HPS4: variants seen among roughly 807,000 people sequenced by gnomAD.
The protein encoded by HPS4 is HPS4 biogenesis of lysosomal organelles complex 3 subunit 2, also known as BLOC-3 complex member HPS4.
Under a neutral mutation model 70.3 loss-of-function variants are expected in HPS4, and 44 were observed. That is an observed-to-expected ratio of 0.63 (90% CI 0.49 to 0.80). The LOEUF (loss-of-function observed/expected upper bound fraction) is 0.80, where lower values mean the gene tolerates loss of function less well. Among genes scored for constraint, HPS4 ranks in the 30% least tolerant of loss-of-function variants. The probability of loss-of-function intolerance (pLI) is 0.00; values close to 1 mark genes in which losing one functional copy is unlikely to be tolerated. For missense variants in HPS4, 873 were observed against 884.4 expected (o/e 0.99, Z 0.16); for synonymous variants, 377 against 355.9 (o/e 1.06, Z -0.67).
chr22:26,477,193 A>T, intron 3 of HPS4, 57 bp from the exon 4 acceptor site: 1 of 1,593,972 alleles, frequency 6.3e-7, no homozygotes, highest in Non-Finnish European at 8.6e-7. Flanking sequence ...CTCTTAAGTC[A>T]TTTCTTACAG....
intron 11 of HPS4, among the ~76,000 whole-genome samples, chr22:26,462,950 A>C (rs908891175): frequency 6.6e-6 from 1 of 152,240 alleles, no homozygotes; most frequent in Non-Finnish European, 1.5e-5. Context: ...GTGCAGTCTT[A>C]TCTCTTCTTC....
In HPS4 at chr22:26,464,860, G is replaced by A. The variant is rs763134197; in HGVS notation, c.804-34C>T. 39 of 1,556,708 alleles carry A rather than the reference G, an allele frequency of 2.5e-5. No individual in the cohort carries two copies. In the South Asian group the frequency reaches 2.8e-4, roughly 11 times the overall value. On this transcript the variant is annotated intron_variant, in intron 10 of 13. Transcript: ENST00000398145. ...CAAGAGAGATGTAAGGAAGGGGCACGTTGACAGACTGCAGGGCAAGTGCCC... is the reference window on the plus strand; with the variant it reads ...CAAGAGAGATGTAAGGAAGGGGCACATTGACAGACTGCAGGGCAAGTGCCC...
chr22:26,443,197 G>A (rs377666159), downstream of HPS4: 34 of 1,613,996 alleles, frequency 2.1e-5, no homozygotes, highest in African/African-American at 4.0e-5. Flanking sequence ...TCTTTGCTCC[G>A]GGACGATGAG....
At chr22:26,475,718 T>C (rs539606014) in intron 4 of HPS4, 2 of 152,132 alleles carry the variant, frequency 1.3e-5, no homozygotes, top group African/African-American at 4.8e-5. Context: ...AGTACACTAA[T>C]GTGTGCAACT....
chr22:26,475,054 G>A lies in HPS4; in HGVS notation c.276+1939C>T, dbSNP rs190629509. ...AAAATCCAACATACACCTACTCTAT[G>A]ACCCAGCAATTCCAGGACTGGATAT... On this transcript the variant is annotated intron_variant, in intron 4 of 13. Coordinates refer to ENST00000398145, the MANE Select transcript of HPS4 (RefSeq NM_022081.6). Among the ~76,000 whole-genome samples the A allele has an allele frequency of 1.5e-3, 236 of 152,330 alleles. 1 individual carries two copies. Among genetic ancestry groups the A allele is most frequent in the African/African-American group, 5.6e-3 (232 of 41,576 alleles).
intron 4 of HPS4, 114 bp downstream of exon 4, chr22:26,476,879 T>C: frequency 8.9e-7 from 1 of 1,120,608 alleles, no homozygotes; most frequent in Non-Finnish European, 1.3e-6. Flanking sequence ...CTAAACACAG[T>C]ACATGGATGA....
chr22:26,458,685 G>T, intron 11 of HPS4, 108 bp from the exon 12 acceptor site: 1 of 1,315,556 alleles, frequency 7.6e-7, no homozygotes, highest in Non-Finnish European at 1.1e-6. Flanking sequence ...AGCCAGGCAC[G>T]GTGGCTCACA....
In HPS4 at chr22:26,483,766, T is replaced by C; in HGVS notation, c.-571A>G. ...GTACCTGCGACTTCTGCCCCGTACCTGCGCGCGCGGCAGAGAGGCCTTAGG... is the reference window on the plus strand; with the variant it reads ...GTACCTGCGACTTCTGCCCCGTACCCGCGCGCGCGGCAGAGAGGCCTTAGG... On this transcript the variant is annotated 5_prime_UTR_variant, in exon 1 of 14. Coordinates refer to ENST00000398145, the MANE Select transcript of HPS4 (RefSeq NM_022081.6). 1.6e-6 allele frequency: 1 copy of C among 625,836 alleles called. No individual in the cohort carries two copies. The allele number at this position is 625,836 out of a possible 1,614,324, so 38.8% of individuals were successfully genotyped here. A position where few individuals can be genotyped will look rare whatever the true frequency, so the allele number is the denominator to read the frequency against.
intron 11 of HPS4, among the ~76,000 whole-genome samples, chr22:26,461,834 A>G (rs1296596857): frequency 6.6e-6 from 1 of 152,210 alleles, no homozygotes; most frequent in Non-Finnish European, 1.5e-5. Flanking sequence ...ATACTAGAAA[A>G]GATTAGCTTT....
intron 6 of HPS4, chr22:26,471,328 C>T (rs953680495): frequency 2.2e-6 from 1 of 455,340 alleles, no homozygotes. Flanking sequence ...CATGCTCTTT[C>T]ACTCGGGGAA....
intron 8 of HPS4, chr22:26,468,299 G>T: frequency 1.8e-6 from 1 of 543,858 alleles, no homozygotes; most frequent in Non-Finnish European, 3.3e-6. Flanking sequence ...ATGGGAAGTC[G>T]AATTCAACCA....
chr22:26,446,654 T>C (rs148590630), downstream of HPS4, among the ~76,000 whole-genome samples: 26 of 152,308 alleles, frequency 1.7e-4, no homozygotes, highest in African/African-American at 6.3e-4. Context: ...AGCCTGGACA[T>C]TAAAGTCTGA....
chr22:26,456,386 C>A (rs916709110), intron 13 of HPS4, among the ~76,000 whole-genome samples: 5 of 152,206 alleles, frequency 3.3e-5, no homozygotes, highest in African/African-American at 1.2e-4. Context: ...TGAAGCCGGG[C>A]GTGGTGGCTC....
chr22:26,445,814 C>A (rs2084934594), intron 3 of HPS4, among the ~76,000 whole-genome samples: 1 of 152,180 alleles, frequency 6.6e-6, no homozygotes, highest in Non-Finnish European at 1.5e-5. Context: ...AAGCCAGTGG[C>A]TACTTTCAAT....
At chr22:26,443,344 A>G (rs2084871168), downstream of HPS4, 2 of 679,514 alleles carry the variant, frequency 2.9e-6, no homozygotes, top group East Asian at 5.5e-5. Context: ...GGGATTTTAT[A>G]TCATGTCGGG....
downstream of HPS4, among the ~76,000 whole-genome samples, chr22:26,450,254 G>A (rs1231207359): frequency 1.3e-5 from 2 of 152,218 alleles, no homozygotes; most frequent in African/African-American, 4.8e-5. Context: ...CACACACAGG[G>A]AAGTGGCCTG....
chr22:26,469,843 AG>A (rs2089483554), intron 7 of HPS4, among the ~76,000 whole-genome samples: 1 of 152,236 alleles, frequency 6.6e-6, no homozygotes, highest in African/African-American at 2.4e-5. Flanking sequence ...AACCGGGGCA[AG>A]GAAGAAGAGT....
In HPS4 at chr22:26,451,207, C is replaced by T. The variant is rs570870645; in HGVS notation, c.*2026G>A. ...AAGAACATGCTGCTTGGCTGTCCGT[C>T]GCTTGGCCCGTACTCTGGGGGCGCT... is the stretch of plus-strand genomic sequence containing the variant. On this transcript the variant is annotated 3_prime_UTR_variant, in exon 14 of 14. Coordinates refer to ENST00000398145, the MANE Select transcript of HPS4 (RefSeq NM_022081.6). Among the ~76,000 whole-genome samples the T allele has an allele frequency of 7.7e-4, 117 of 152,308 alleles. No individual in the cohort carries two copies. The highest frequency in any genetic ancestry group is 2.5e-3 in the African/African-American group (104 of 41,570).
intron 3 of HPS4, chr22:26,444,926 CCAA>C (rs1177355382): frequency 6.6e-6 from 1 of 152,198 alleles, no homozygotes; most frequent in Non-Finnish European, 1.5e-5. Flanking sequence ...GTTTACAAAA[CCAA>C]CAGCCCGCGC....
Sources: gnomAD v4.1 joint callset for allele counts (sites outside exome capture counted in the v4.1 genomes callset) on GRCh38, gnomAD v4.1.1 for gene constraint, MANE v1.5 for transcripts, NCBI Gene and HGNC (gene_info 2026-07-23, HGNC 2026-07-21) for gene names.